SLC4A7: variants seen among roughly 807,000 people sequenced by gnomAD.
SLC4A7 encodes solute carrier family 4 member 7.
In SLC4A7, 51 loss-of-function variants were observed where a neutral mutation model predicts 137.6. That is an observed-to-expected ratio of 0.37 (90% CI 0.30 to 0.47). The LOEUF is 0.47. SLC4A7 is among the 20% of genes least tolerant of loss of function. The pLI is 1.00. For missense variants in SLC4A7, 1,247 were observed against 1,525.4 expected, an observed-to-expected ratio of 0.82 and a Z score of 3.04; for synonymous variants, 542 against 518.6, an observed-to-expected ratio of 1.05 and a Z score of -0.61.
intron 3 of SLC4A7, among the ~76,000 whole-genome samples, chr3:27,438,771 G>A (rs779458785): frequency 2.0e-5 from 3 of 151,940 alleles, no homozygotes; most frequent in Non-Finnish European, 4.4e-5. Flanking sequence ...TAAAGTTAAA[G>A]AGTGAAAAAT....
rs776515598 is a variant in SLC4A7, at chr3:27,403,384, T to G, written c.2076A>C (p.Arg692Ser). The change falls in exon 15 of 26, where the codon AGA becomes AGC. Residue 692 changes from arginine (R) to serine (S), a missense_variant and splice_region_variant. By Grantham distance (110) the Arg-to-Ser change is moderately radical. Coordinates refer to ENST00000454389, the MANE Select transcript of SLC4A7 (RefSeq NM_001321103.2). Reference protein sequence around the residue: ...VFEKILYKFCRDYQLSYLSLR... With the variant: ...VFEKILYKFCSDYQLSYLSLR... ...AAGACAGATAAGAAAGTTGATAATC[T>G]CTGTTTAGAAAGAAAAATATGAATA... The G allele has an allele frequency of 1.5e-5, 23 of 1,573,852 alleles. No homozygotes were observed. In the South Asian group the frequency reaches 2.7e-4, roughly 18 times the overall value.
At chr3:27,405,744 T>C (rs139368631) in intron 13 of SLC4A7, among the ~76,000 whole-genome samples, 2 of 152,052 alleles carry the variant, frequency 1.3e-5, no homozygotes, top group East Asian at 1.9e-4. Flanking sequence ...AACTGAAATA[T>C]TTAACAAAAT....
intron 1 of SLC4A7, among the ~76,000 whole-genome samples, chr3:27,458,637 GATT>G (rs1289357327): frequency 6.6e-6 from 1 of 152,180 alleles, no homozygotes; most frequent in African/African-American, 2.4e-5. Flanking sequence ...GTCAGTCAAT[GATT>G]TTTTTAAATT....
chr3:27,388,605 G>A (rs1052988387), intron 22 of SLC4A7, among the ~76,000 whole-genome samples: 1 of 151,972 alleles, frequency 6.6e-6, no homozygotes, highest in Non-Finnish European at 1.5e-5. Context: ...TTTGTTCCAG[G>A]TCAGAGGTCA....
intron 23 of SLC4A7, among the ~76,000 whole-genome samples, chr3:27,384,675 C>T (rs1003023207): frequency 6.6e-6 from 1 of 152,026 alleles, no homozygotes; most frequent in Non-Finnish European, 1.5e-5. Flanking sequence ...ATGAAAAACT[C>T]ATACAGGCCA....
chr3:27,418,391 TA>T, intron 11 of SLC4A7, 94 bp downstream of exon 11: 1 of 957,696 alleles, frequency 1.0e-6, no homozygotes, highest in Non-Finnish European at 1.6e-6. Context: ...GAGGTGGGGA[TA>T]AAACTTCTCT....
Position 27,419,335 on chromosome 3 carries a change from G to A in SLC4A7, c.1513-703C>T, listed in dbSNP as rs111228861. 2.7e-3 allele frequency among the ~76,000 whole-genome samples: 409 copies of A among 151,854 alleles called. 2 individuals carry two copies. Among genetic ancestry groups the A allele is most frequent in the Non-Finnish European group, 4.7e-3 (322 of 67,910 alleles). On this transcript the variant is annotated intron_variant, in intron 10 of 25. Transcript: ENST00000454389. The stretch of plus-strand genomic sequence containing the variant: ...TGTAATTCCCGCACTTTGGGAGGCC[G>A]AGGCAGGCGGATCGCCTGATGTCAG...
At position 27,386,027 on chromosome 3, in the gene SLC4A7, T is replaced by C; in HGVS notation, c.3361-4A>G. 1 of 1,591,936 alleles carries C rather than the reference T, an allele frequency of 6.3e-7. No homozygotes were observed. Among genetic ancestry groups the C allele is most frequent in the Non-Finnish European group, 8.5e-7 (1 of 1,172,736 alleles). The stretch of plus-strand genomic sequence containing the variant: ...GCACAAACACTAATGCAAGAACCTT[T>C]AAAAAGTGGGGAAGGAAATATTAAG... On this transcript the variant is annotated splice_region_variant and splice_polypyrimidine_tract_variant and intron_variant, in intron 22 of 25. Transcript: ENST00000454389.
intron 6 of SLC4A7, among the ~76,000 whole-genome samples, chr3:27,432,985 A>AT (rs1372773547): frequency 1.3e-5 from 2 of 152,236 alleles, no homozygotes; most frequent in Admixed American, 1.3e-4. Context: ...ACAACATGGC[A>AT]TAATTTTAAA....
chr3:27,455,626 T>G (rs1439396526), intron 1 of SLC4A7, among the ~76,000 whole-genome samples: 1 of 137,724 alleles, frequency 7.3e-6, no homozygotes, highest in Non-Finnish European at 1.5e-5. Flanking sequence ...CAGGCTGGAG[T>G]GCAGTCTTTG....
At chr3:27,384,062 G>A (rs777502549) in intron 23 of SLC4A7, among the ~76,000 whole-genome samples, 11 of 152,182 alleles carry the variant, frequency 7.2e-5, no homozygotes, top group Middle Eastern at 3.4e-3. Context: ...TAATAATGGC[G>A]GTGATCGATA....
At chr3:27,439,087 T>G (rs1370840054) in intron 3 of SLC4A7, among the ~76,000 whole-genome samples, 1 of 152,182 alleles carries the variant, frequency 6.6e-6, no homozygotes, top group African/African-American at 2.4e-5. Flanking sequence ...GAGTTCTCAC[T>G]CAAAATTTAC....
chr3:27,394,636 G>A lies in SLC4A7; in HGVS notation c.2999C>T (p.Ser1000Phe), dbSNP rs777943663. The A allele has an allele frequency of 6.2e-7, 1 of 1,614,150 alleles. No individual in the cohort carries two copies. The highest frequency in any genetic ancestry group is 1.1e-5 in the South Asian group (1 of 91,080). Residue 1000 changes from serine (S) to phenylalanine (F), a missense_variant, in exon 20 of 26, where the codon TCT becomes TTT. Around this residue, in one of 6 missense-constraint regions of SLC4A7, gnomAD observed 290 missense variants for 323.8 expected, o/e 0.90. Coordinates refer to ENST00000454389, the MANE Select transcript of SLC4A7 (RefSeq NM_001321103.2). The part of the protein sequence containing the change: ...ISHVNSLKVE[S>F]ECSAPGEQPK... ...TTGTTCCCCTGGAGCAGAACATTCA[G>A]ATTCAACTTTTAAGCTGTTGACATG...
intron 22 of SLC4A7, among the ~76,000 whole-genome samples, chr3:27,386,776 GAA>G: frequency 6.6e-6 from 1 of 152,078 alleles, no homozygotes; most frequent in African/African-American, 2.4e-5. Flanking sequence ...TATCTTCTTT[GAA>G]AAGTTAGTCC....
At chr3:27,423,756 A>T (rs1413841746) in intron 8 of SLC4A7, 2 of 277,900 alleles carry the variant, frequency 7.2e-6, no homozygotes, top group African/African-American at 4.5e-5. Flanking sequence ...CACGATATCT[A>T]TGGGTAGGTA....
At chr3:27,385,140 T>C (rs1490412892) in intron 23 of SLC4A7, among the ~76,000 whole-genome samples, 1 of 152,156 alleles carries the variant, frequency 6.6e-6, no homozygotes, top group African/African-American at 2.4e-5. Flanking sequence ...ACCATACATT[T>C]AAAAATATGT....
At chr3:27,476,991 A>G (rs1476406095) in intron 1 of SLC4A7, among the ~76,000 whole-genome samples, 1 of 152,220 alleles carries the variant, frequency 6.6e-6, no homozygotes, top group Non-Finnish European at 1.5e-5. Context: ...CCATCAGGGA[A>G]TCTGGAGGCA....
Position 27,407,130 on chromosome 3 carries a change from A to C in SLC4A7, c.1942-2167T>G, listed in dbSNP as rs563852843. ...AAGACCTTTTTTTTTTTTTTTTTCTAATTTTTGAACTGTTTCTATGTTCAC... is the reference window on the plus strand; with the variant it reads ...AAGACCTTTTTTTTTTTTTTTTTCTCATTTTTGAACTGTTTCTATGTTCAC... On this transcript the variant is annotated intron_variant, in intron 13 of 25. Transcript: ENST00000454389. Among the ~76,000 whole-genome samples the C allele has an allele frequency of 5.8e-3, 800 of 137,264 alleles. 9 individuals are homozygous for C. The highest frequency in any genetic ancestry group is 0.021 in the African/African-American group (741 of 35,588). The allele number at this position is 137,264 out of a possible 152,430, so 90.1% of individuals were successfully genotyped here.
intron 1 of SLC4A7, among the ~76,000 whole-genome samples, chr3:27,478,310 G>C (rs1433952523): frequency 1.3e-5 from 2 of 151,994 alleles, no homozygotes; most frequent in Non-Finnish European, 2.9e-5. Flanking sequence ...CTGAGGTCAG[G>C]AGTTCGAGAC....
Sources: allele counts gnomAD v4.1 joint callset (sites outside exome capture counted in the v4.1 genomes callset), GRCh38; gene constraint gnomAD v4.1.1; regional missense constraint gnomAD v4.1.1; transcripts MANE v1.5; gene names NCBI Gene and HGNC (gene_info 2026-07-23, HGNC 2026-07-21).